FAM9A: variants seen among roughly 807,000 people sequenced by gnomAD.
FAM9A encodes family with sequence similarity 9 member A, also known as protein FAM9A.
Under a neutral mutation model 25.0 loss-of-function variants are expected in FAM9A, and 49 were observed. That is an observed-to-expected ratio of 1.96 (90% confidence interval 1.56 to 2.48). The LOEUF (loss-of-function observed/expected upper bound fraction) is 2.48, where lower values mean the gene tolerates loss of function less well. FAM9A is among the 30% of genes most tolerant of loss of function. The probability of loss-of-function intolerance (pLI) is 0.00; values close to 1 mark genes in which losing one functional copy is unlikely to be tolerated. For synonymous variants in FAM9A, 80 were observed against 85.1 expected (o/e 0.94, Z 0.33); for missense variants, 266 against 249.3 (o/e 1.07, Z -0.45).
intron 8 of FAM9A, among the ~76,000 whole-genome samples, chrX:8,792,018 A>C (rs147957032): frequency 0.033 from 3,695 of 112,311 alleles, 121 homozygotes; most frequent in African/African-American, 0.1. Context: ...TCAGACATGT[A>C]GCCAAAAATG....
intron 1 of FAM9A, among the ~76,000 whole-genome samples, chrX:8,801,009 C>A: frequency 1.1e-5 from 1 of 92,341 alleles, no homozygotes; most frequent in Non-Finnish European, 2.1e-5. Flanking sequence ...CCATCCCAGC[C>A]CACCCTCAGG....
rs761145686 is a variant in FAM9A, at chrX:8,798,196, A to G, written c.342-15T>C. The G allele has an allele frequency of 8.3e-7, 1 of 1,204,011 alleles. No individual in the cohort carries two copies. Among genetic ancestry groups the G allele is most frequent in the East Asian group, 3.0e-5 (1 of 33,725 alleles). On this transcript the variant is annotated splice_polypyrimidine_tract_variant and intron_variant, in intron 4 of 9. Transcript: ENST00000381003. ...TGGTATGAATCCTGTAAAAAAAGTT[A>G]CATCAAAATTTTATCATAATGCTAC...
At chrX:8,799,658 C>T (rs926899818) in intron 2 of FAM9A, among the ~76,000 whole-genome samples, 1 of 62,663 alleles carries the variant, frequency 1.6e-5, no homozygotes, top group South Asian at 1.1e-3. Context: ...CCTCCCCTCC[C>T]CTGCCCCCAT....
chrX:8,798,685 C>T, intron 3 of FAM9A, among the ~76,000 whole-genome samples: 1 of 112,679 alleles, frequency 8.9e-6, no homozygotes, highest in African/African-American at 3.2e-5. Flanking sequence ...TAGTAAACAA[C>T]GCTCACAAGT....
In FAM9A at chrX:8,791,123, T is replaced by C; in HGVS notation, c.*81A>G. ...TAGGTTCAAGTTCTTTCTTCAGTCATCAGAATAACAGAGGTTGAAGAGACA... is the reference window on the plus strand; with the variant it reads ...TAGGTTCAAGTTCTTTCTTCAGTCACCAGAATAACAGAGGTTGAAGAGACA... On this transcript the variant is annotated 3_prime_UTR_variant, in exon 10 of 10. Coordinates refer to ENST00000381003, the MANE Select transcript of FAM9A (RefSeq NM_174951.3). 1 of 382,472 alleles carries C rather than the reference T, an allele frequency of 2.6e-6. No homozygotes were observed. The highest frequency in any genetic ancestry group is 4.6e-6 in the Non-Finnish European group (1 of 219,766). 31.5% of individuals were successfully genotyped at this position (382,472 alleles called of 1,213,427 possible).
intron 6 of FAM9A, among the ~76,000 whole-genome samples, chrX:8,795,818 C>T (rs192767101): frequency 2.3e-3 from 254 of 112,298 alleles, no homozygotes; most frequent in African/African-American, 8.0e-3. Flanking sequence ...CTTCACTTAA[C>T]TCTTTCTCCA....
At chrX:8,791,800 G>A (rs184454205) in intron 8 of FAM9A, among the ~76,000 whole-genome samples, 1 of 111,715 alleles carries the variant, frequency 9.0e-6, no homozygotes, top group East Asian at 2.8e-4. Flanking sequence ...CATCAAGTTA[G>A]AGAAAAATGT....
rs1195144306 is a variant in FAM9A at position 8,800,067 on chromosome X, C to T, written c.91+14G>A. 8.3e-7 allele frequency: 1 copy of T among 1,207,659 alleles called. No individual in the cohort carries two copies. Among genetic ancestry groups the T allele is most frequent in the African/African-American group, 1.8e-5 (1 of 57,104 alleles). On this transcript the variant is annotated intron_variant, in intron 2 of 9. Transcript: ENST00000381003. ...CGCGCAGAGAGCAAACAGACCATCT[C>T]CTTGGGCGTGCACCTTCTTTCGTGG...
At chrX:8,794,671 A>G (rs1355973491) in intron 7 of FAM9A, among the ~76,000 whole-genome samples, 2 of 111,361 alleles carry the variant, frequency 1.8e-5, no homozygotes, top group African/African-American at 3.3e-5. Context: ...ACTGAATGGA[A>G]CACTTTTCAC....
At chrX:8,798,217 G>T in intron 4 of FAM9A, 36 bp from the exon 5 acceptor site, 1 of 1,203,587 alleles carries the variant, frequency 8.3e-7, no homozygotes, top group Middle Eastern at 2.3e-4. Context: ...TTATCATAAT[G>T]CTACACAAAA....
intron 5 of FAM9A, 26 bp downstream of exon 5, chrX:8,798,124 G>A: frequency 1.7e-6 from 2 of 1,188,621 alleles, no homozygotes; most frequent in Non-Finnish European, 1.1e-6. Flanking sequence ...AATTTTCAAA[G>A]ACTACGAATA....
Position 8,800,076 on chromosome X carries a change from T to G in FAM9A, c.91+5A>C, listed in dbSNP as rs922840323. The G allele has an allele frequency of 8.3e-7, 1 of 1,208,074 alleles. No homozygotes were observed. The highest frequency in any genetic ancestry group is 1.8e-5 in the African/African-American group (1 of 57,080). ...AGCAAACAGACCATCTCCTTGGGCG[T>G]GCACCTTCTTTCGTGGCCCCCTGGG... On this transcript the variant is annotated splice_donor_5th_base_variant and intron_variant, in intron 2 of 9. Transcript: ENST00000381003.
intron 1 of FAM9A, among the ~76,000 whole-genome samples, chrX:8,800,674 C>T (rs1192517583): frequency 9.8e-6 from 1 of 101,948 alleles, no homozygotes; most frequent in South Asian, 5.0e-4. Flanking sequence ...TCGAACTGTC[C>T]CCCACAACAC....
chrX:8,800,496 C>T (rs1420598663), intron 1 of FAM9A, among the ~76,000 whole-genome samples: 2 of 110,542 alleles, frequency 1.8e-5, no homozygotes, highest in Non-Finnish European at 3.8e-5. Flanking sequence ...CCCTGTGTGC[C>T]CCAGAGACCT....
intron 3 of FAM9A, 90 bp from the exon 4 acceptor site, chrX:8,798,569 T>C (rs144824648): frequency 3.5e-6 from 4 of 1,155,535 alleles, no homozygotes; most frequent in Middle Eastern, 4.9e-4. Flanking sequence ...TGTGGACTTT[T>C]TTGGCTCTCT....
rs201184954 is a variant in FAM9A at position 8,795,446 on chromosome X, T to G, written c.489-26A>C. On this transcript the variant is annotated intron_variant, in intron 6 of 9. Transcript: ENST00000381003. ...CTGTAACACATAATAAGTAATACGG[T>G]CATATGTCATAGAGAGATGAAAAAT... 345 of 1,138,330 alleles carry G rather than the reference T, an allele frequency of 3.0e-4. No homozygotes were observed. In the African/African-American group the frequency reaches 4.4e-3, roughly 15 times the overall value. The allele number at this position is 1,138,330 out of a possible 1,213,427, so 93.8% of individuals were successfully genotyped here. A position where few individuals can be genotyped will look rare whatever the true frequency, so the allele number is the denominator to read the frequency against.
chrX:8,791,483 G>A (rs1345344236), intron 8 of FAM9A, 104 bp from the exon 9 acceptor site: 17 of 560,734 alleles, frequency 3.0e-5, no homozygotes, highest in Non-Finnish European at 4.3e-5. Flanking sequence ...ATATTCAAAG[G>A]ATGCTGGTTA....
rs1349274883 is a variant in FAM9A at position 8,796,396 on chromosome X, G to A, written c.374-14C>T. 4 of 1,058,839 alleles carry A rather than the reference G, an allele frequency of 3.8e-6. No individual in the cohort carries two copies. The Admixed American group carries it at 9.9e-5, about 26-fold the overall frequency. The allele number at this position is 1,058,839 out of a possible 1,213,427, so 87.3% of individuals were successfully genotyped here. On this transcript the variant is annotated splice_polypyrimidine_tract_variant and intron_variant, in intron 5 of 9. Coordinates refer to ENST00000381003, the MANE Select transcript of FAM9A (RefSeq NM_174951.3). ...TTTTAATGTCAGCTAGATAGTAAAT[G>A]AAAATGCATTAAAAGTTAATGTTGA... is the stretch of plus-strand genomic sequence containing the variant.
chrX:8,795,041 A>G, intron 7 of FAM9A, 37 bp downstream of exon 7: 5 of 1,148,963 alleles, frequency 4.4e-6, no homozygotes, highest in Non-Finnish European at 5.8e-6. Context: ...AGACATTGAT[A>G]CAATAGGTTA....
Sources: gnomAD v4.1 joint callset for allele counts (sites outside exome capture counted in the v4.1 genomes callset) on GRCh38, gnomAD v4.1.1 for gene constraint, MANE v1.5 for transcripts, NCBI Gene and HGNC (gene_info 2026-07-23, HGNC 2026-07-21) for gene names.